The following RBM19 variants were observed in gnomAD, a reference collection of about 807,000 sequenced individuals.
The protein encoded by RBM19 is probable RNA-binding protein 19.
In RBM19, 94 loss-of-function variants were observed where a neutral mutation model predicts 116.8. The ratio of observed to expected loss-of-function variants is 0.80; its 90% confidence interval spans 0.68 to 0.95. The LOEUF (loss-of-function observed/expected upper bound fraction) is 0.95. RBM19 is among the 40% of genes least tolerant of loss of function. The pLI is 0.00. For missense variants in RBM19, 1,161 were observed against 1,220.7 expected, an observed-to-expected ratio of 0.95 and a Z score of 0.73; for synonymous variants, 475 against 494.1, an observed-to-expected ratio of 0.96 and a Z score of 0.51.
intron 21 of RBM19, among the ~76,000 whole-genome samples, chr12:113,890,183 T>A (rs1368971426): frequency 1.3e-5 from 2 of 152,126 alleles, no homozygotes; most frequent in Non-Finnish European, 2.9e-5. Flanking sequence ...ACAATCTGAG[T>A]CTTTTACGGC....
At chr12:113,878,020 C>G (rs892982043) in intron 21 of RBM19, among the ~76,000 whole-genome samples, 1 of 152,208 alleles carries the variant, frequency 6.6e-6, no homozygotes, top group Non-Finnish European at 1.5e-5. Context: ...CACGGCTACT[C>G]TTATTCTCTT....
chr12:113,943,143 C>T (rs1439302452), intron 13 of RBM19, among the ~76,000 whole-genome samples: 4 of 152,204 alleles, frequency 2.6e-5, no homozygotes, highest in Admixed American at 2.0e-4. Flanking sequence ...CCCACCCTTG[C>T]GGTGACACCC....
intron 16 of RBM19, 73 bp from the exon 17 acceptor site, chr12:113,927,302 C>T: frequency 6.7e-7 from 1 of 1,486,244 alleles, no homozygotes; most frequent in Non-Finnish European, 8.9e-7. Flanking sequence ...CCACCAGAGC[C>T]CTGGGGCCAA....
intron 21 of RBM19, among the ~76,000 whole-genome samples, chr12:113,871,823 C>T (rs1025087845): frequency 2.0e-5 from 3 of 151,326 alleles, no homozygotes; most frequent in Admixed American, 1.3e-4. Flanking sequence ...GCCGCGCCGG[C>T]GAGCGCCGCC....
chr12:113,832,973 G>A (rs1421067249), intron 23 of RBM19, among the ~76,000 whole-genome samples: 2 of 152,102 alleles, frequency 1.3e-5, no homozygotes, highest in Admixed American at 6.5e-5. Flanking sequence ...TGGGGAGGGG[G>A]GGTTAACTCT....
intron 1 of RBM19, 57 bp from the exon 2 acceptor site, chr12:113,962,471 C>A: frequency 6.5e-7 from 1 of 1,535,674 alleles, no homozygotes. Context: ...AGCAAGGGGA[C>A]AAAATGGGCT....
chr12:113,888,268 A>G (rs772272871), intron 21 of RBM19, among the ~76,000 whole-genome samples: 2 of 152,164 alleles, frequency 1.3e-5, no homozygotes, highest in African/African-American at 4.8e-5. Flanking sequence ...TATATAACCA[A>G]TCTGTTTAAT....
intron 22 of RBM19, among the ~76,000 whole-genome samples, chr12:113,857,346 C>T (rs1213454351): frequency 1.3e-5 from 2 of 152,268 alleles, no homozygotes; most frequent in East Asian, 3.8e-4. Flanking sequence ...GAGTCAGTGT[C>T]TCCCATGCAT....
chr12:113,934,186 C>T (rs911920043), intron 16 of RBM19, among the ~76,000 whole-genome samples: 10 of 152,188 alleles, frequency 6.6e-5, no homozygotes, highest in African/African-American at 1.4e-4. Flanking sequence ...CTTCTGGACT[C>T]GAGTGATCCT....
chr12:113,928,666 C>A (rs796518735), intron 16 of RBM19, among the ~76,000 whole-genome samples: 10 of 54,136 alleles, frequency 1.8e-4, no homozygotes, highest in African/African-American at 8.6e-4. Context: ...TGTGTGTCTG[C>A]AGCTCAGGGA....
rs1447255389 is a variant in RBM19, at chr12:113,903,268, C to G, written c.2558+11701G>C. ...TCTGTGGATGTGGAACCCACAGATA[C>G]AGAATCATAGGATACGTGGCCTTTC... On this transcript the variant is annotated intron_variant, in intron 21 of 23. Transcript: ENST00000261741. This position sits in a 1 kb window ranked among gnomAD's most constrained non-coding sequence, Gnocchi z 5.1. 2.6e-5 allele frequency among the ~76,000 whole-genome samples: 4 copies of G among 152,204 alleles called. No homozygotes were observed. The highest frequency in any genetic ancestry group is 9.6e-5 in the African/African-American group (4 of 41,458).
chr12:113,863,285 C>T lies in RBM19; in HGVS notation c.2559-4389G>A, dbSNP rs144898722. On this transcript the variant is annotated intron_variant, in intron 21 of 23. Transcript: ENST00000261741. The stretch of plus-strand genomic sequence containing the variant: ...GGATTTCCTCTCTCCGTGCAAATTG[C>T]GTGCCCCCTGACTGGTCTTGCCCCA... Among the ~76,000 whole-genome samples the T allele has an allele frequency of 8.9e-4, 135 of 152,028 alleles. 1 individual carries two copies. Among genetic ancestry groups the T allele is most frequent in the Non-Finnish European group, 1.4e-3 (95 of 67,980 alleles).
Position 113,844,683 on chromosome 12 carries a change from C to T in RBM19, c.2770G>A (p.Ala924Thr). The change falls in exon 23 of 24, where the codon GCC becomes ACC. Residue 924 changes from alanine to threonine, a missense_variant. Transcript: ENST00000261741. ...CCGCTCCTACCGTGAAAGTGAGCGG[C>T]CGTCTTCCGCCGCAGGGCCTGCAGG... ...VTLQALRRKTAAHFHEPPKKK... is the reference protein window; with the variant it reads ...VTLQALRRKTTAHFHEPPKKK... 1 of 1,610,650 alleles carries T rather than the reference C, an allele frequency of 6.2e-7. No homozygotes were observed. Among genetic ancestry groups the T allele is most frequent in the East Asian group, 2.2e-5 (1 of 44,802 alleles).
intron 23 of RBM19, among the ~76,000 whole-genome samples, chr12:113,837,130 T>C (rs1876019969): frequency 6.7e-6 from 1 of 149,398 alleles, no homozygotes. Flanking sequence ...TCCCAAGCAA[T>C]GCTTCTGTGT....
At chr12:113,963,929 A>G (rs149426105) in intron 1 of RBM19, among the ~76,000 whole-genome samples, 32 of 152,296 alleles carry the variant, frequency 2.1e-4, no homozygotes, top group African/African-American at 7.2e-4. Flanking sequence ...CCTCATTCTC[A>G]GTTCAATCAT....
Position 113,860,902 on chromosome 12 carries a change from C to T in RBM19, c.2559-2006G>A, listed in dbSNP as rs116299511. On this transcript the variant is annotated intron_variant, in intron 21 of 23. Coordinates refer to ENST00000261741, the MANE Select transcript of RBM19 (RefSeq NM_016196.4). Reference sequence around the variant, plus strand: ...GTAGAAGCCTGAAGGTGTTTTGGAACGAATAAACAAGCAAATGGTAGCCCT... The same window carrying T: ...GTAGAAGCCTGAAGGTGTTTTGGAATGAATAAACAAGCAAATGGTAGCCCT... 8.2e-3 allele frequency among the ~76,000 whole-genome samples: 1,249 copies of T among 152,256 alleles called. 14 individuals carry two copies. The highest frequency in any genetic ancestry group is 0.024 in the African/African-American group (1,007 of 41,546).
intron 21 of RBM19, among the ~76,000 whole-genome samples, chr12:113,861,512 G>GTGTGTGTGTGTGTGTT (rs1472875184): frequency 2.0e-5 from 3 of 151,162 alleles, no homozygotes; most frequent in African/African-American, 7.3e-5. Context: ...GTGTGTGTGT[G>GTGTGTGTGTGTGTGTT]TGAAGGAGAG....
At chr12:113,906,786 A>C (rs909042976) in intron 21 of RBM19, among the ~76,000 whole-genome samples, 2 of 151,982 alleles carry the variant, frequency 1.3e-5, no homozygotes, top group Non-Finnish European at 2.9e-5. Context: ...ATGTCTCCCA[A>C]ATGATGTGTA....
chr12:113,819,713 A>G (rs1432076101), downstream of RBM19, among the ~76,000 whole-genome samples: 5 of 152,184 alleles, frequency 3.3e-5, no homozygotes, highest in Admixed American at 3.3e-4. Context: ...TCAAAGGCTT[A>G]GAGTCTCCCA....
Sources: gnomAD v4.1 joint callset for allele counts (sites outside exome capture counted in the v4.1 genomes callset) on GRCh38, gnomAD v4.1.1 for gene constraint, Gnocchi (gnomAD v3.1) non-coding constraint, MANE v1.5 for transcripts, NCBI Gene and HGNC (gene_info 2026-07-23, HGNC 2026-07-21) for gene names.